The following CRIPT variants were observed in gnomAD, a reference collection of about 807,000 sequenced individuals.
CRIPT encodes cysteine-rich PDZ-binding protein.
Under a neutral mutation model 16.6 loss-of-function variants are expected in CRIPT, and 20 were observed. The observed-to-expected ratio is 1.20, with a 90% CI of 0.85 to 1.75. The LOEUF (loss-of-function observed/expected upper bound fraction) is 1.75. CRIPT is among the 40% of genes most tolerant of loss of function. The pLI is 0.00. For missense variants in CRIPT, 133 were observed against 115.3 expected, an observed-to-expected ratio of 1.15 and a Z score of -0.70; for synonymous variants, 42 against 37.0, an observed-to-expected ratio of 1.14 and a Z score of -0.49.
chr2:46,626,401 G>A lies in CRIPT; in HGVS notation c.*2174G>A, dbSNP rs915843655. Among the ~76,000 whole-genome samples the A allele has an allele frequency of 6.6e-6, 1 of 152,178 alleles. No individual in the cohort carries two copies. Among genetic ancestry groups the A allele is most frequent in the African/African-American group, 2.4e-5 (1 of 41,428 alleles). On this transcript the variant is annotated 3_prime_UTR_variant, in exon 5 of 5. Coordinates refer to ENST00000238892, the MANE Select transcript of CRIPT (RefSeq NM_014171.6). Reference sequence around the variant, plus strand: ...GAATAGTGCTGTGATGAATATGTGAGTGTATGTGTCTTTTTGGTAGAACAA... The same window carrying A: ...GAATAGTGCTGTGATGAATATGTGAATGTATGTGTCTTTTTGGTAGAACAA...
At position 46,626,865 on chromosome 2, in the gene CRIPT, T is replaced by C. The variant is rs552389259; in HGVS notation, c.*2638T>C. The stretch of plus-strand genomic sequence containing the variant: ...TTTTTGTTTTGAGATGGAGTTTCAC[T>C]GTTGTCACCCAGGCTAGAGTGCAAT... On this transcript the variant is annotated 3_prime_UTR_variant, in exon 5 of 5. Coordinates refer to ENST00000238892, the MANE Select transcript of CRIPT (RefSeq NM_014171.6). Among the ~76,000 whole-genome samples, 1 of 152,252 alleles carries C rather than the reference T, an allele frequency of 6.6e-6. No individual in the cohort carries two copies. The highest frequency in any genetic ancestry group is 1.9e-4 in the East Asian group (1 of 5,188).
chr2:46,624,104 A>T, intron 4 of CRIPT, 59 bp from the exon 5 acceptor site: 1 of 1,224,710 alleles, frequency 8.2e-7, no homozygotes, highest in Non-Finnish European at 1.1e-6. Flanking sequence ...TTCAGGATTG[A>T]CTTAAACCAA....
chr2:46,624,122 G>A (rs760644762), intron 4 of CRIPT, 41 bp from the exon 5 acceptor site: 1 of 1,422,808 alleles, frequency 7.0e-7, no homozygotes, highest in East Asian at 2.5e-5. Context: ...CAAACAGTTG[G>A]TATTATGATT....
rs748425635 is a variant in CRIPT at position 46,618,852 on chromosome 2, T to C, written c.82+14T>C. On this transcript the variant is annotated intron_variant, in intron 2 of 4. Transcript: ENST00000238892. ...GGAATACCACAGGTATTTCTTCTTTTAGAAAATAGGAATTTAACCGAATAC... is the reference window on the plus strand; with the variant it reads ...GGAATACCACAGGTATTTCTTCTTTCAGAAAATAGGAATTTAACCGAATAC... 1 of 1,535,492 alleles carries C rather than the reference T, an allele frequency of 6.5e-7. No individual in the cohort carries two copies. Among genetic ancestry groups the C allele is most frequent in the Non-Finnish European group, 9.0e-7 (1 of 1,115,930 alleles).
In CRIPT at chr2:46,624,204, A is replaced by G. The variant is rs1362764959; in HGVS notation, c.283A>G (p.Asn95Asp). Reference protein sequence around the residue: ...MCGKKVLDTKNYKQTSV With the variant: ...MCGKKVLDTKDYKQTSV The stretch of plus-strand genomic sequence containing the variant: ...TGGAAAAAAGGTTTTGGATACCAAA[A>G]ACTACAAGCAAACATCTGTCTAGAT... The change falls in exon 5 of 5, where the codon AAC (asparagine) becomes GAC (aspartate). Residue 95 changes from asparagine (N) to aspartate (D), a missense_variant. Coordinates refer to ENST00000238892, the MANE Select transcript of CRIPT (RefSeq NM_014171.6). The G allele has an allele frequency of 6.3e-7, 1 of 1,581,828 alleles. No individual in the cohort carries two copies. Among genetic ancestry groups the G allele is most frequent in the Non-Finnish European group, 8.6e-7 (1 of 1,160,426 alleles).
Position 46,629,959 on chromosome 2 carries a change from G to A in CRIPT, c.*5732G>A, listed in dbSNP as rs1671030850. On this transcript the variant is annotated 3_prime_UTR_variant, in exon 5 of 5. Transcript: ENST00000238892. ...TTGTTCTAACTCTATTATTATTTCT[G>A]TATTAATTAGTCATCATTCTACTGT... is the stretch of plus-strand genomic sequence containing the variant. 1.3e-5 allele frequency among the ~76,000 whole-genome samples: 2 copies of A among 151,962 alleles called. No individual in the cohort carries two copies. Among genetic ancestry groups the A allele is most frequent in the Non-Finnish European group, 2.9e-5 (2 of 67,998 alleles).
At position 46,629,415 on chromosome 2, in the gene CRIPT, A is replaced by C. The variant is rs1671019007; in HGVS notation, c.*5188A>C. 6.6e-6 allele frequency among the ~76,000 whole-genome samples: 1 copy of C among 152,160 alleles called. No individual in the cohort carries two copies. The highest frequency in any genetic ancestry group is 1.9e-4 in the East Asian group (1 of 5,202). On this transcript the variant is annotated 3_prime_UTR_variant, in exon 5 of 5. Coordinates refer to ENST00000238892, the MANE Select transcript of CRIPT (RefSeq NM_014171.6). ...ATTGCCATAATACTTTACAGTCCAT[A>C]TTTCAATTTCATTTGCTGTTTTATT...
rs999067153 is a variant in CRIPT at position 46,623,934 on chromosome 2, A to G, written c.241+67A>G. On this transcript the variant is annotated intron_variant, in intron 4 of 4. Coordinates refer to ENST00000238892, the MANE Select transcript of CRIPT (RefSeq NM_014171.6). ...TTCATTTGCTGCTAATTTGGTTAAC[A>G]GAAAAGATGTAGCCTGTCATAAATT... The G allele has an allele frequency of 3.9e-5, 45 of 1,156,850 alleles. No homozygotes were observed. In the South Asian group the frequency reaches 6.0e-4, roughly 15 times the overall value. The allele number at this position is 1,156,850 out of a possible 1,614,324, so 71.7% of individuals were successfully genotyped here.
chr2:46,624,209 C>A lies in CRIPT; in HGVS notation c.288C>A (p.Tyr96Ter). The A allele has an allele frequency of 6.3e-7, 1 of 1,579,772 alleles. No homozygotes were observed. The highest frequency in any genetic ancestry group is 8.6e-7 in the Non-Finnish European group (1 of 1,159,318). ...AAAAGGTTTTGGATACCAAAAACTA[C>A]AAGCAAACATCTGTCTAGATGTATT... ...CGKKVLDTKN[Y>*]KQTSV Residue 96 changes from tyrosine (Y) to a stop codon, truncating the protein, a stop_gained, in exon 5 of 5, where the codon TAC becomes TAA. Coordinates refer to ENST00000238892, the MANE Select transcript of CRIPT (RefSeq NM_014171.6). LOFTEE classifies it high-confidence loss of function.
At chr2:46,620,533 A>G (rs1670776116) in intron 3 of CRIPT, among the ~76,000 whole-genome samples, 1 of 151,876 alleles carries the variant, frequency 6.6e-6, no homozygotes. Flanking sequence ...AGTCTTACCT[A>G]GACACTTTTT....
rs1034319368 is a variant in CRIPT at position 46,627,005 on chromosome 2, G to A, written c.*2778G>A. Among the ~76,000 whole-genome samples, 52 of 152,064 alleles carry A rather than the reference G, an allele frequency of 3.4e-4. No homozygotes were observed. The highest frequency in any genetic ancestry group is 2.6e-3 in the Admixed American group (40 of 15,278). On this transcript the variant is annotated 3_prime_UTR_variant, in exon 5 of 5. Transcript: ENST00000238892. ...CTGCCACCAAGCGTGGCTAATTTTG[G>A]TACTTTTAGTAGAGACAGGGTTTCA...
Position 46,629,695 on chromosome 2 carries a change from C to T in CRIPT, c.*5468C>T, listed in dbSNP as rs565676504. On this transcript the variant is annotated 3_prime_UTR_variant, in exon 5 of 5. Transcript: ENST00000238892. The stretch of plus-strand genomic sequence containing the variant: ...TATTGCAGGTATACATCCAGATGCA[C>T]AGAATGTCCATTTGTCCCTTATTGG... Among the ~76,000 whole-genome samples the T allele has an allele frequency of 6.6e-6, 1 of 152,328 alleles. No homozygotes were observed. Among genetic ancestry groups the T allele is most frequent in the East Asian group, 1.9e-4 (1 of 5,186 alleles).
chr2:46,621,817 A>G (rs1670809300), intron 3 of CRIPT, among the ~76,000 whole-genome samples: 1 of 152,194 alleles, frequency 6.6e-6, no homozygotes, highest in South Asian at 2.1e-4. Context: ...CACACTATAT[A>G]TTATTGACTG....
chr2:46,617,571 A>G (rs1431977129), intron 1 of CRIPT, among the ~76,000 whole-genome samples: 1 of 152,106 alleles, frequency 6.6e-6, no homozygotes, highest in Non-Finnish European at 1.5e-5. Flanking sequence ...CCTCCCATAT[A>G]AAAATGTGCA....
At chr2:46,620,479 G>A (rs1341085874) in intron 3 of CRIPT, among the ~76,000 whole-genome samples, 14 of 151,792 alleles carry the variant, frequency 9.2e-5, no homozygotes, top group African/African-American at 3.4e-4. Flanking sequence ...CCTTTCATCT[G>A]CCATCTGATT....
chr2:46,622,404 G>A (rs1459728743), intron 3 of CRIPT, among the ~76,000 whole-genome samples: 7 of 151,552 alleles, frequency 4.6e-5, no homozygotes, highest in East Asian at 1.9e-4. Context: ...AGGTTACAAT[G>A]TGTATTTTTG....
rs1254449457 is a variant in CRIPT, at chr2:46,627,965, G to C, written c.*3738G>C. On this transcript the variant is annotated 3_prime_UTR_variant, in exon 5 of 5. Coordinates refer to ENST00000238892, the MANE Select transcript of CRIPT (RefSeq NM_014171.6). ...TCTGTTCCATTCCATTGGTCTATGG[G>C]TCTGTTTTTATATCTGTACCATGCT... Among the ~76,000 whole-genome samples, 2 of 151,994 alleles carry C rather than the reference G, an allele frequency of 1.3e-5. No individual in the cohort carries two copies. The highest frequency in any genetic ancestry group is 4.8e-5 in the African/African-American group (2 of 41,376).
In CRIPT at chr2:46,625,938, T is replaced by A. The variant is rs147608652; in HGVS notation, c.*1711T>A. On this transcript the variant is annotated 3_prime_UTR_variant, in exon 5 of 5. Coordinates refer to ENST00000238892, the MANE Select transcript of CRIPT (RefSeq NM_014171.6). ...ATTTCATTTTTTTTGTTGTTGTTGTTGTTTTTATAATTTCAACTTTTATTT... is the reference window on the plus strand; with the variant it reads ...ATTTCATTTTTTTTGTTGTTGTTGTAGTTTTTATAATTTCAACTTTTATTT... Among the ~76,000 whole-genome samples the A allele has an allele frequency of 6.6e-6, 1 of 152,294 alleles. No individual in the cohort carries two copies. The highest frequency in any genetic ancestry group is 2.4e-5 in the African/African-American group (1 of 41,570).
rs553726248 is a variant in CRIPT, at chr2:46,624,466, A to C, written c.*239A>C. 1.6e-5 allele frequency: 5 copies of C among 316,066 alleles called. No homozygotes were observed. In the East Asian group the frequency reaches 2.5e-4, roughly 16 times the overall value. 19.6% of individuals were successfully genotyped at this position (316,066 alleles called of 1,614,324 possible). A position where few individuals can be genotyped will look rare whatever the true frequency, so the allele number is the denominator to read the frequency against. On this transcript the variant is annotated 3_prime_UTR_variant, in exon 5 of 5. Coordinates refer to ENST00000238892, the MANE Select transcript of CRIPT (RefSeq NM_014171.6). ...GAACTAAGTGGCAAATTCCATGAAA[A>C]TATTTCTCAGTTCTGTATGCACTTT...
Sources: allele counts gnomAD v4.1 joint callset (sites outside exome capture counted in the v4.1 genomes callset), GRCh38; gene constraint gnomAD v4.1.1; transcripts MANE v1.5; gene names NCBI Gene and HGNC (gene_info 2026-07-23, HGNC 2026-07-21).